The following CIMAP1A variants were observed in gnomAD, a reference collection of about 807,000 sequenced individuals.
The protein encoded by CIMAP1A is cancer/testis antigen 135.
At chr11:198,244 C>T in the CIMAP1A span, 3 of 1,614,068 alleles carry the variant, frequency 1.9e-6, no homozygotes, top group Non-Finnish European at 1.7e-6. Flanking sequence ...TTCGACTCAG[C>T]ACCCAGCCAC....
chr11:199,969 C>T, the CIMAP1A span: 1 of 1,614,152 alleles, frequency 6.2e-7, no homozygotes, highest in Non-Finnish European at 8.5e-7. Flanking sequence ...CCCTGCGCCC[C>T]AGTTGTCACC....
the CIMAP1A span, chr11:197,537 G>A: frequency 1.9e-6 from 3 of 1,611,064 alleles, no homozygotes; most frequent in Admixed American, 1.7e-5. Flanking sequence ...GCTCCGGGCT[G>A]CTCAGGGCCC....
chr11:198,165 C>T, the CIMAP1A span: 2 of 1,604,216 alleles, frequency 1.2e-6, no homozygotes, highest in South Asian at 1.1e-5. Context: ...TACCCACCTG[C>T]TTGTCCCAGC....
chr11:197,921 G>A, the CIMAP1A span: 9 of 1,499,356 alleles, frequency 6.0e-6, no homozygotes, highest in Non-Finnish European at 8.0e-6. Context: ...ATCGTGCCTG[G>A]GCAGAGAAGA....
chr11:198,041 C>T, the CIMAP1A span: 7 of 1,541,020 alleles, frequency 4.5e-6, no homozygotes, highest in South Asian at 8.4e-5. Context: ...CTGAAGTCAG[C>T]ATTTCCATCC....
chr11:199,356 C>A, the CIMAP1A span: 1 of 1,563,462 alleles, frequency 6.4e-7, no homozygotes, highest in South Asian at 1.2e-5. Flanking sequence ...TCTGAGCCTC[C>A]TTTACCTCTC....
the CIMAP1A span, chr11:199,667 T>TGGGGGGGTGGGGGGGGGG: frequency 2.4e-6 from 1 of 420,296 alleles, no homozygotes; most frequent in Non-Finnish European, 3.4e-6. Flanking sequence ...AGGGGTGGGG[T>TGGGGGGGTGGGGGGGGGG]GGGGATGGGA....
the CIMAP1A span, chr11:199,736 C>T: frequency 7.0e-7 from 1 of 1,436,346 alleles, no homozygotes; most frequent in Non-Finnish European, 9.1e-7. Flanking sequence ...GGTAACCCTT[C>T]AGGGACATGG....
chr11:199,806 G>A, the CIMAP1A span: 3 of 1,460,596 alleles, frequency 2.1e-6, no homozygotes, highest in Non-Finnish European at 2.7e-6. Flanking sequence ...TGAGTGCTCT[G>A]TGTTCAAACC....
the CIMAP1A span, chr11:200,084 G>T: frequency 6.3e-7 from 1 of 1,591,510 alleles, no homozygotes; most frequent in Non-Finnish European, 8.6e-7. Context: ...AAGATCCGCC[G>T]GGCCACAGAG....
chr11:197,193 T>C, the CIMAP1A span: 2 of 704,450 alleles, frequency 2.8e-6, no homozygotes, highest in African/African-American at 3.6e-5. Context: ...GTTCCGCAGG[T>C]CTTACCCTTC....
the CIMAP1A span, chr11:197,388 C>A: frequency 6.2e-7 from 1 of 1,601,030 alleles, no homozygotes; most frequent in Non-Finnish European, 8.5e-7. Context: ...GCCCTGGACC[C>A]AAGTACCTGA....
At chr11:197,290 C>A in the CIMAP1A span, 2 of 1,548,652 alleles carry the variant, frequency 1.3e-6, no homozygotes, top group South Asian at 1.2e-5. Context: ...CTCTCACTTA[C>A]GGACAGAGCT....
the CIMAP1A span, chr11:197,136 CCT>C: frequency 1.8e-6 from 1 of 558,648 alleles, no homozygotes. Flanking sequence ...TCCTACTGTC[CCT>C]GACTCCTGGC....
chr11:197,581 A>G, the CIMAP1A span: 38 of 1,613,130 alleles, frequency 2.4e-5, no homozygotes, highest in Non-Finnish European at 3.1e-5. Context: ...GCACACGCCC[A>G]CCAAGCTGCG....
At chr11:198,784 G>A in the CIMAP1A span, 20 of 1,429,466 alleles carry the variant, frequency 1.4e-5, no homozygotes, top group Middle Eastern at 1.8e-4. Context: ...GAAGGGAGAC[G>A]CCCTGGCCCC....
At chr11:197,994 C>T in the CIMAP1A span, 1 of 1,535,638 alleles carries the variant, frequency 6.5e-7, no homozygotes, top group South Asian at 1.2e-5. Context: ...TCAGACCCCA[C>T]TCTCCCTGCT....
At chr11:197,568 G>GAAGCACACA in the CIMAP1A span, 1 of 1,613,180 alleles carries the variant, frequency 6.2e-7, no homozygotes, top group Non-Finnish European at 8.5e-7. Flanking sequence ...CAGGCTTCAT[G>GAAGCACACA]AAGCACACGC....
chr11:197,798 C>T, the CIMAP1A span: 8 of 1,600,128 alleles, frequency 5.0e-6, no homozygotes, highest in South Asian at 7.8e-5. Flanking sequence ...CCCTGCGCAG[C>T]CTCAGGCCTG....
Sources: allele counts gnomAD v4.1 joint callset, GRCh38; gene constraint gnomAD v4.1.1; transcripts MANE v1.5; gene names NCBI Gene and HGNC (gene_info 2026-07-23, HGNC 2026-07-21).